RGPD4: variants seen among roughly 807,000 people sequenced by gnomAD.
RGPD4 encodes the protein ranBP2-like and GRIP domain-containing protein 4.
In RGPD4, 84 loss-of-function variants were observed where a neutral mutation model predicts 141.1. That is an observed-to-expected ratio of 0.60 (90% CI 0.50 to 0.71). The LOEUF is 0.71. Ranked by LOEUF, RGPD4 falls within the 30% of genes least tolerant of loss-of-function variation. The pLI is 0.00. For synonymous variants in RGPD4, 298 were observed against 566.8 expected (o/e 0.53, Z 6.74); for missense variants, 918 against 1,622.4 (o/e 0.57, Z 7.46).
Position 107,831,273 on chromosome 2 carries a change from G to A in RGPD4, c.72+4188G>A, listed in dbSNP as rs543305051. Among the ~76,000 whole-genome samples the A allele has an allele frequency of 3.3e-3, 486 of 149,396 alleles. 6 individuals carry two copies. Among genetic ancestry groups the A allele is most frequent in the Non-Finnish European group, 1.8e-3 (118 of 66,974 alleles). On this transcript the variant is annotated intron_variant, in intron 1 of 22. Transcript: ENST00000408999. ...AGTTTTTCTATGTTCTGTCAAGTCG[G>A]TTTCTTATTCTGCAGCTGATTCCTA... is the stretch of plus-strand genomic sequence containing the variant.
chr2:107,847,824 C>CAAAAAAA (rs1263002672), intron 6 of RGPD4, among the ~76,000 whole-genome samples: 1 of 53,158 alleles, frequency 1.9e-5, no homozygotes, highest in Non-Finnish European at 3.4e-5. Context: ...GACTCCGTCT[C>CAAAAAAA]AAAAAAAAAA....
chr2:107,885,654 A>C (rs527483450), intron 22 of RGPD4, among the ~76,000 whole-genome samples: 36 of 152,308 alleles, frequency 2.4e-4, no homozygotes, highest in Non-Finnish European at 4.6e-4. Context: ...AAGATTATTT[A>C]CTACTTGTCT....
In RGPD4 at chr2:107,870,996, G is replaced by C. The variant is rs1682887496; in HGVS notation, c.2992G>C (p.Gly998Arg). 1.2e-6 allele frequency: 2 copies of C among 1,610,830 alleles called. No homozygotes were observed. The highest frequency in any genetic ancestry group is 4.5e-5 in the East Asian group (2 of 44,832). ...AGACCCCAATTTCAAGGGATTTTCA[G>C]GTGCTGGAGAAAAATTATTCTCATC... ...KKDPNFKGFS[G>R]AGEKLFSSQC... The change falls in exon 20 of 23, where the codon GGT becomes CGT. Residue 998 changes from glycine to arginine, a missense_variant. Coordinates refer to ENST00000408999, the MANE Select transcript of RGPD4 (RefSeq NM_182588.3).
At position 107,879,911 on chromosome 2, in the gene RGPD4, A is replaced by G. The variant is rs1573531690; in HGVS notation, c.4925-57A>G. On this transcript the variant is annotated intron_variant, in intron 20 of 22. Transcript: ENST00000408999. ...TTATATTTAGATTTTTCTTATTTAGAATCTTCATCTGTAATGTATGATTTT... is the reference window on the plus strand; with the variant it reads ...TTATATTTAGATTTTTCTTATTTAGGATCTTCATCTGTAATGTATGATTTT... The G allele has an allele frequency of 2.5e-6, 4 of 1,592,972 alleles. No homozygotes were observed. The East Asian group carries it at 8.9e-5, about 36-fold the overall frequency.
chr2:107,859,495 T>G lies in RGPD4; in HGVS notation c.1575T>G (p.Cys525Trp), dbSNP rs3872486. ...CCCTTCCTGTATGTAAACAGCTTTGTACAGAAAGACAAAAATCTTGGTGGG... is the reference window on the plus strand; with the variant it reads ...CCCTTCCTGTATGTAAACAGCTTTGGACAGAAAGACAAAAATCTTGGTGGG... ...CLPLPVCKQL[C>W]TERQKSWWDA... The change falls in exon 11 of 23, where the codon TGT becomes TGG. Residue 525 changes from cysteine to tryptophan, a missense_variant. Coordinates refer to ENST00000408999, the MANE Select transcript of RGPD4 (RefSeq NM_182588.3). The G allele has an allele frequency of 4.9e-3, 7,843 of 1,611,312 alleles. 416 individuals are homozygous for G. The African/African-American group carries it at 0.092, about 19-fold the overall frequency.
intron 7 of RGPD4, among the ~76,000 whole-genome samples, chr2:107,851,998 TG>T (rs1282131372): frequency 5.3e-5 from 8 of 151,866 alleles, no homozygotes; most frequent in African/African-American, 1.9e-4. Flanking sequence ...CTTAGCACTT[TG>T]GGAGGCTGAG....
chr2:107,884,333 C>G (rs1675450620), intron 22 of RGPD4, among the ~76,000 whole-genome samples: 1 of 152,218 alleles, frequency 6.6e-6, no homozygotes, highest in Non-Finnish European at 1.5e-5. Context: ...ATCTCCTGAC[C>G]TTGTGATCTG....
At chr2:107,854,331 G>A (rs1043092989) in intron 7 of RGPD4, among the ~76,000 whole-genome samples, 3 of 151,726 alleles carry the variant, frequency 2.0e-5, no homozygotes, top group Non-Finnish European at 4.4e-5. Flanking sequence ...CCCAGACAGA[G>A]TGTTGGGATT....
chr2:107,885,088 T>C (rs1335843450), intron 22 of RGPD4, among the ~76,000 whole-genome samples: 1 of 152,176 alleles, frequency 6.6e-6, no homozygotes, highest in Non-Finnish European at 1.5e-5. Context: ...ATAGTATTTT[T>C]GTCACAAGGG....
At chr2:107,856,705 G>A (rs1682330553) in intron 8 of RGPD4, 55 bp from the exon 9 acceptor site, 1 of 346,142 alleles carries the variant, frequency 2.9e-6, no homozygotes, top group Non-Finnish European at 5.8e-6. Flanking sequence ...GACAACGTGA[G>A]CAAATACAAT....
chr2:107,829,736 C>T (rs182885823), intron 1 of RGPD4, among the ~76,000 whole-genome samples: 2 of 152,068 alleles, frequency 1.3e-5, no homozygotes, highest in African/African-American at 2.4e-5. Context: ...CTCTTTCTCC[C>T]GGCTTGTTCC....
intron 6 of RGPD4, among the ~76,000 whole-genome samples, chr2:107,845,785 C>G (rs1157582208): frequency 6.6e-6 from 1 of 151,614 alleles, no homozygotes; most frequent in Non-Finnish European, 1.5e-5. Flanking sequence ...AGGATGGTCT[C>G]GATCTCCTGA....
intron 6 of RGPD4, among the ~76,000 whole-genome samples, chr2:107,844,979 G>A (rs1187453238): frequency 7.1e-6 from 1 of 141,594 alleles, no homozygotes; most frequent in Non-Finnish European, 1.5e-5. Context: ...GGGACCACAG[G>A]CGCACACCAC....
chr2:107,845,050 C>CT (rs1339634458), intron 6 of RGPD4, among the ~76,000 whole-genome samples: 1,682 of 133,600 alleles, frequency 0.013, 27 homozygotes, highest in African/African-American at 0.043. Flanking sequence ...CTCAATCTCT[C>CT]TTTTTTTTTT....
At position 107,870,976 on chromosome 2, in the gene RGPD4, C is replaced by T. The variant is rs2919159; in HGVS notation, c.2972C>T (p.Pro991Leu). Residue 991 changes from proline (P) to leucine (L), a missense_variant, in exon 20 of 23, where the codon CCC becomes CTC. Physicochemically the swap from Pro to Leu is moderately conservative, Grantham distance 98. Coordinates refer to ENST00000408999, the MANE Select transcript of RGPD4 (RefSeq NM_182588.3). ...GGATTTCAGTTTGGCAAAAAAGACC[C>T]CAATTTCAAGGGATTTTCAGGTGCT... ...GEGFQFGKKD[P>L]NFKGFSGAGE... 1.3e-5 allele frequency: 21 copies of T among 1,610,088 alleles called. No individual in the cohort carries two copies. The East Asian group carries it at 1.6e-4, about 12-fold the overall frequency.
intron 22 of RGPD4, among the ~76,000 whole-genome samples, chr2:107,885,798 A>C (rs1675495302): frequency 6.6e-6 from 1 of 152,040 alleles, no homozygotes; most frequent in Non-Finnish European, 1.5e-5. Context: ...TCACACCTGT[A>C]ATCCAGCACT....
chr2:107,883,583 C>T (rs970369936), intron 22 of RGPD4, among the ~76,000 whole-genome samples: 2 of 144,616 alleles, frequency 1.4e-5, no homozygotes, highest in Non-Finnish European at 3.0e-5. Context: ...TGATCTGTCA[C>T]ACCACTGTAC....
chr2:107,832,672 G>A (rs1172155292), intron 1 of RGPD4, among the ~76,000 whole-genome samples: 2 of 148,212 alleles, frequency 1.3e-5, no homozygotes, highest in Non-Finnish European at 3.0e-5. Flanking sequence ...GAAACTAATG[G>A]TATGTCTTTA....
At chr2:107,865,365 T>C (rs1303785683) in intron 17 of RGPD4, among the ~76,000 whole-genome samples, 2 of 151,978 alleles carry the variant, frequency 1.3e-5, no homozygotes, top group African/African-American at 2.4e-5. Flanking sequence ...TGAGAATTAG[T>C]TGTATTTTGT....
Sources: allele counts gnomAD v4.1 joint callset (sites outside exome capture counted in the v4.1 genomes callset), GRCh38; gene constraint gnomAD v4.1.1; transcripts MANE v1.5; gene names NCBI Gene and HGNC (gene_info 2026-07-23, HGNC 2026-07-21).